The following NUS1 variants were observed in gnomAD, a reference collection of about 807,000 sequenced individuals.
NUS1 encodes the protein dehydrodolichyl diphosphate synthase complex subunit NUS1.
For synonymous variants in NUS1, 135 were observed against 155.2 expected (o/e 0.87, Z 0.97); for missense variants, 292 against 382.9 (o/e 0.76, Z 1.98).
At chr6:117,692,818 CTTAAGTAG>C (rs1458960299) in intron 1 of NUS1, among the ~76,000 whole-genome samples, 3 of 152,112 alleles carry the variant, frequency 2.0e-5, no homozygotes, top group Non-Finnish European at 4.4e-5. Flanking sequence ...CATGCCACTA[CTTAAGTAG>C]TTACCTCTGT....
chr6:117,697,422 C>T (rs761073782), intron 3 of NUS1, among the ~76,000 whole-genome samples: 3 of 151,932 alleles, frequency 2.0e-5, no homozygotes, highest in Non-Finnish European at 4.4e-5. Context: ...ACACACTTCA[C>T]CTATAAAGAC....
At chr6:117,703,509 G>T in intron 3 of NUS1, 96 bp from the exon 4 acceptor site, 2 of 897,626 alleles carry the variant, frequency 2.2e-6, no homozygotes, top group South Asian at 1.4e-5. Context: ...GAACCAATTT[G>T]ATTAATACAT....
chr6:117,697,515 T>C (rs969936201), intron 3 of NUS1, among the ~76,000 whole-genome samples: 2 of 152,046 alleles, frequency 1.3e-5, no homozygotes, highest in African/African-American at 4.8e-5. Context: ...TATACTTATA[T>C]CAGACAAAAG....
intron 3 of NUS1, among the ~76,000 whole-genome samples, chr6:117,697,076 G>T (rs1033016398): frequency 4.6e-5 from 7 of 152,046 alleles, no homozygotes; most frequent in Non-Finnish European, 1.0e-4. Context: ...TATGCAAGCA[G>T]TGTGGTAATC....
rs960364961 is a variant in NUS1, at chr6:117,687,821, A to G, written c.416-5221A>G. Among the ~76,000 whole-genome samples the G allele has an allele frequency of 6.6e-5, 10 of 152,178 alleles. No individual in the cohort carries two copies. In the South Asian group the frequency reaches 1.4e-3, roughly 22 times the overall value. ...CTAGGCATTTTAGGAAACATTTAAG[A>G]TACTGAAGTTGGAATGTGCCAGGAT... On this transcript the variant is annotated intron_variant, in intron 1 of 4. Coordinates refer to ENST00000368494, the MANE Select transcript of NUS1 (RefSeq NM_138459.5).
At chr6:117,676,196 C>G in intron 1 of NUS1, 111 bp downstream of exon 1, 1 of 1,498,794 alleles carries the variant, frequency 6.7e-7, no homozygotes, top group East Asian at 2.5e-5. Context: ...CTGCAAATCA[C>G]AGCGCTAGCG....
At chr6:117,691,591 CA>C (rs1773222089) in intron 1 of NUS1, among the ~76,000 whole-genome samples, 1 of 130,058 alleles carries the variant, frequency 7.7e-6, no homozygotes, top group Non-Finnish European at 1.7e-5. Flanking sequence ...ATATATAGTT[CA>C]AAATATATAT....
chr6:117,706,884 G>A (rs1320071948), intron 4 of NUS1, 41 bp from the exon 5 acceptor site: 5 of 1,483,130 alleles, frequency 3.4e-6, no homozygotes, highest in East Asian at 2.3e-5. Context: ...ACATTACAGT[G>A]TATATCTAAT....
rs563260946 is a variant in NUS1, at chr6:117,681,648, C to T, written c.415+5563C>T. ...TAAATATAAATGTGATTACATTTGA[C>T]ATACTGAATAGTACAACCTAGTGTT... On this transcript the variant is annotated intron_variant, in intron 1 of 4. Coordinates refer to ENST00000368494, the MANE Select transcript of NUS1 (RefSeq NM_138459.5). 5.3e-5 allele frequency among the ~76,000 whole-genome samples: 8 copies of T among 152,334 alleles called. No individual in the cohort carries two copies. The East Asian group carries it at 1.2e-3, about 22-fold the overall frequency.
At chr6:117,701,536 G>A (rs1049559896) in intron 3 of NUS1, among the ~76,000 whole-genome samples, 1 of 152,076 alleles carries the variant, frequency 6.6e-6, no homozygotes, top group East Asian at 1.9e-4. Flanking sequence ...GAGCCACCAC[G>A]CCCGGCCGGG....
chr6:117,676,130 C>T (rs1180439294), intron 1 of NUS1, 45 bp downstream of exon 1: 9 of 1,548,998 alleles, frequency 5.8e-6, no homozygotes, highest in Non-Finnish European at 6.1e-6. Flanking sequence ...GCGTCTTGGA[C>T]CGCTAGACCG....
intron 1 of NUS1, among the ~76,000 whole-genome samples, chr6:117,679,630 G>A (rs1267146171): frequency 6.6e-6 from 1 of 152,172 alleles, no homozygotes; most frequent in Non-Finnish European, 1.5e-5. Flanking sequence ...CCTGGTTTTT[G>A]ATGGCTGAAA....
intron 4 of NUS1, among the ~76,000 whole-genome samples, chr6:117,704,642 C>T (rs1401298705): frequency 3.3e-5 from 5 of 152,150 alleles, no homozygotes; most frequent in Admixed American, 3.3e-4. Context: ...TATGTAAATG[C>T]TGGGTCTTGG....
At chr6:117,688,093 T>A (rs1023443305) in intron 1 of NUS1, among the ~76,000 whole-genome samples, 1 of 152,162 alleles carries the variant, frequency 6.6e-6, no homozygotes, top group African/African-American at 2.4e-5. Flanking sequence ...CACAGTGATA[T>A]GCACCTGTAG....
chr6:117,681,556 A>C (rs1163915509), intron 1 of NUS1, among the ~76,000 whole-genome samples: 2 of 152,198 alleles, frequency 1.3e-5, no homozygotes, highest in Non-Finnish European at 2.9e-5. Context: ...TGCTATTGAG[A>C]AGTATGATTT....
intron 4 of NUS1, among the ~76,000 whole-genome samples, chr6:117,706,464 T>G (rs559724416): frequency 9.2e-5 from 14 of 152,360 alleles, no homozygotes; most frequent in African/African-American, 3.4e-4. Context: ...GAGCTTACGC[T>G]TTAACAAGTT....
At chr6:117,690,523 C>G (rs1489499781) in intron 1 of NUS1, among the ~76,000 whole-genome samples, 1 of 152,122 alleles carries the variant, frequency 6.6e-6, no homozygotes, top group Non-Finnish European at 1.5e-5. Context: ...GTGAGCAAAA[C>G]AGATAAGATC....
intron 1 of NUS1, among the ~76,000 whole-genome samples, chr6:117,691,641 GATTTA>G (rs1773223212): frequency 7.0e-6 from 1 of 142,672 alleles, no homozygotes; most frequent in South Asian, 2.2e-4. Context: ...ATTATATATT[GATTTA>G]ATATATTTAT....
rs1365251752 is a variant in NUS1, at chr6:117,707,263, CA to C, written c.*249del. On this transcript the variant is annotated 3_prime_UTR_variant, in exon 5 of 5. Coordinates refer to ENST00000368494, the MANE Select transcript of NUS1 (RefSeq NM_138459.5). ...TGGGGACGTATTGGAGAAGGAAATA[CA>C]TAGACCTACAACTTTGAGCAAATAG... The C allele has an allele frequency of 2.5e-6, 1 of 396,886 alleles. No individual in the cohort carries two copies. 24.6% of individuals were successfully genotyped at this position (396,886 alleles called of 1,614,324 possible). A position where few individuals can be genotyped will look rare whatever the true frequency, so the allele number is the denominator to read the frequency against.
Sources: allele counts gnomAD v4.1 joint callset (sites outside exome capture counted in the v4.1 genomes callset), GRCh38; gene constraint gnomAD v4.1.1; transcripts MANE v1.5; gene names NCBI Gene and HGNC (gene_info 2026-07-23, HGNC 2026-07-21).